Variants in SLC6A11 observed in about 807,000 individuals in gnomAD.
SLC6A11 encodes sodium- and chloride-dependent GABA transporter 3.
In SLC6A11, 25 loss-of-function variants were observed where a neutral mutation model predicts 74.8. The observed-to-expected ratio is 0.33, with a 90% confidence interval of 0.24 to 0.47. The LOEUF (loss-of-function observed/expected upper bound fraction) is 0.47, where lower values mean the gene tolerates loss of function less well. Ranked by LOEUF, SLC6A11 falls within the 20% of genes least tolerant of loss-of-function variation. The pLI, the probability that SLC6A11 is intolerant of heterozygous loss-of-function variation, is 1.00. For missense variants in SLC6A11, 574 were observed against 837.0 expected (o/e 0.69, Z 3.88); for synonymous variants, 330 against 330.2 (o/e 1.00, Z 0.01).
intron 7 of SLC6A11, among the ~76,000 whole-genome samples, chr3:10,912,939 C>A (rs1695407311): frequency 6.6e-6 from 1 of 152,090 alleles, no homozygotes; most frequent in African/African-American, 2.4e-5. Context: ...GGTAGATGGA[C>A]AGCGCATCTC....
intron 6 of SLC6A11, among the ~76,000 whole-genome samples, chr3:10,903,689 C>T (rs901029): frequency 0.067 from 10,143 of 152,176 alleles, 370 homozygotes; most frequent in East Asian, 0.083. Context: ...AGGGAATGAA[C>T]GTTGACTAAG....
chr3:10,882,443 C>A (rs1331648081), intron 6 of SLC6A11, among the ~76,000 whole-genome samples: 1 of 152,184 alleles, frequency 6.6e-6, no homozygotes, highest in Non-Finnish European at 1.5e-5. Flanking sequence ...ATCACCATCG[C>A]AGATGCCATT....
rs1211695891 is a variant in SLC6A11 at position 10,934,150 on chromosome 3, C to T, written c.1559C>T (p.Thr520Ile). 1 of 1,612,468 alleles carries T rather than the reference C, an allele frequency of 6.2e-7. No individual in the cohort carries two copies. ...ATTAAGTGGTGCTGGATGATCATGACCCCTGGGATCTGCGCGGTAAGGGCC... is the reference window on the plus strand; with the variant it reads ...ATTAAGTGGTGCTGGATGATCATGATCCCTGGGATCTGCGCGGTAAGGGCC... ...SLIKWCWMIM[T>I]PGICAGIFIF... The change falls in exon 12 of 14, where the codon ACC (threonine) becomes ATC (isoleucine). Residue 520 changes from threonine to isoleucine, a missense_variant. Physicochemically the swap from Thr to Ile is moderately conservative, Grantham distance 89. Around this residue, in one of 4 missense-constraint regions of SLC6A11, gnomAD observed 257 missense variants for 341.5 expected, o/e 0.75. Coordinates refer to ENST00000254488, the MANE Select transcript of SLC6A11 (RefSeq NM_014229.3).
rs569434192 is a variant in SLC6A11 at position 10,864,906 on chromosome 3, C to T, written c.757-10055C>T. Among the ~76,000 whole-genome samples, 4 of 152,312 alleles carry T rather than the reference C, an allele frequency of 2.6e-5. No homozygotes were observed. The East Asian group carries it at 7.7e-4, about 29-fold the overall frequency. ...CAGATTTTCCCAGCCAATGGATTAT[C>T]ACCTCTTAACACCAGCCTTCCACTG... On this transcript the variant is annotated intron_variant, in intron 5 of 13. Transcript: ENST00000254488.
chr3:10,854,632 CAG>C (rs1216079812), intron 5 of SLC6A11, among the ~76,000 whole-genome samples: 5 of 152,124 alleles, frequency 3.3e-5, no homozygotes, highest in Non-Finnish European at 7.3e-5. Flanking sequence ...TTTTATAAGG[CAG>C]AGAGAGACTA....
intron 5 of SLC6A11, among the ~76,000 whole-genome samples, chr3:10,872,109 G>C (rs1032409915): frequency 6.6e-6 from 1 of 152,198 alleles, no homozygotes; most frequent in Admixed American, 6.5e-5. Flanking sequence ...CATGGCTGTC[G>C]TGAGGGTTGC....
At chr3:10,885,240 T>TTAC (rs1253429185) in intron 6 of SLC6A11, among the ~76,000 whole-genome samples, 5 of 152,244 alleles carry the variant, frequency 3.3e-5, no homozygotes, top group Non-Finnish European at 7.3e-5. Context: ...CGTAGTTGAA[T>TTAC]TACTAGATGA....
At chr3:10,855,564 G>T (rs968941182) in intron 5 of SLC6A11, among the ~76,000 whole-genome samples, 1 of 152,198 alleles carries the variant, frequency 6.6e-6, no homozygotes, top group South Asian at 2.1e-4. Flanking sequence ...TGTCAAGCTT[G>T]TGGGTCCAGG....
chr3:10,855,507 T>G (rs142251427), intron 5 of SLC6A11, among the ~76,000 whole-genome samples: 20 of 152,326 alleles, frequency 1.3e-4, no homozygotes, highest in Middle Eastern at 3.4e-3. Flanking sequence ...ATAGCTCTTA[T>G]CAGCAGCAGC....
rs766365191 is a variant in SLC6A11 at position 10,925,991 on chromosome 3, T to C, written c.1121-13T>C. ...ACTCCACCCAGTGGCTTTCTCTCTC[T>C]CCCTCGCTCCAGGCCCCGGCCTGGC... On this transcript the variant is annotated splice_polypyrimidine_tract_variant and intron_variant, in intron 8 of 13. Transcript: ENST00000254488. The C allele has an allele frequency of 3.3e-6, 5 of 1,507,240 alleles. No homozygotes were observed. The African/African-American group carries it at 5.5e-5, about 17-fold the overall frequency. 93.4% of individuals were successfully genotyped at this position (1,507,240 alleles called of 1,614,324 possible). A position where few individuals can be genotyped will look rare whatever the true frequency, so the allele number is the denominator to read the frequency against.
intron 3 of SLC6A11, among the ~76,000 whole-genome samples, chr3:10,820,470 C>A (rs1694123681): frequency 6.6e-6 from 1 of 152,162 alleles, no homozygotes; most frequent in African/African-American, 2.4e-5. Flanking sequence ...CTATTGCCTT[C>A]AATGACACAT....
At chr3:10,937,980 C>T (rs967525643) in intron 13 of SLC6A11, among the ~76,000 whole-genome samples, 1 of 152,206 alleles carries the variant, frequency 6.6e-6, no homozygotes, top group African/African-American at 2.4e-5. Flanking sequence ...AGGTGCGAGG[C>T]TAAGCACTTT....
At chr3:10,927,571 A>T (rs944118459) in intron 9 of SLC6A11, among the ~76,000 whole-genome samples, 48 of 151,964 alleles carry the variant, frequency 3.2e-4, no homozygotes, top group Non-Finnish European at 3.4e-4. Flanking sequence ...TGGCCTACAC[A>T]CTGCAGTGTC....
intron 8 of SLC6A11, among the ~76,000 whole-genome samples, chr3:10,925,002 G>A (rs1695584032): frequency 6.6e-6 from 1 of 152,164 alleles, no homozygotes; most frequent in Non-Finnish European, 1.5e-5. Context: ...GGCAAAACTA[G>A]TCCGAGGACG....
intron 4 of SLC6A11, among the ~76,000 whole-genome samples, chr3:10,832,310 G>A (rs1694308192): frequency 6.6e-6 from 1 of 152,050 alleles, no homozygotes; most frequent in Admixed American, 6.5e-5. Flanking sequence ...GGGAGGCACT[G>A]GGGATCCTTG....
intron 4 of SLC6A11, among the ~76,000 whole-genome samples, chr3:10,840,044 C>T (rs1694417907): frequency 6.6e-6 from 1 of 152,164 alleles, no homozygotes; most frequent in African/African-American, 2.4e-5. Context: ...TTCATTCCTC[C>T]CATGGCAGCT....
At chr3:10,932,299 T>G (rs1490346054) in intron 10 of SLC6A11, among the ~76,000 whole-genome samples, 2 of 152,130 alleles carry the variant, frequency 1.3e-5, no homozygotes, top group South Asian at 4.1e-4. Context: ...CCCATGAAGA[T>G]GGACCACATA....
In SLC6A11 at chr3:10,829,449, C is replaced by T. The variant is rs139275803; in HGVS notation, c.623+6057C>T. On this transcript the variant is annotated intron_variant, in intron 4 of 13. Coordinates refer to ENST00000254488, the MANE Select transcript of SLC6A11 (RefSeq NM_014229.3). ...GCCTCCTGATTCAGCATCAGAAGTGCCCTTGGGACCCTTTCCTAGGTCAGC... is the reference window on the plus strand; with the variant it reads ...GCCTCCTGATTCAGCATCAGAAGTGTCCTTGGGACCCTTTCCTAGGTCAGC... Among the ~76,000 whole-genome samples the T allele has an allele frequency of 3.3e-5, 5 of 152,330 alleles. No homozygotes were observed. In the South Asian group the frequency reaches 8.3e-4, roughly 25 times the overall value.
Position 10,938,562 on chromosome 3 carries a change from G to A in SLC6A11, c.*160G>A. On this transcript the variant is annotated 3_prime_UTR_variant, in exon 14 of 14. Coordinates refer to ENST00000254488, the MANE Select transcript of SLC6A11 (RefSeq NM_014229.3). Reference sequence around the variant, plus strand: ...GGTGGCCACTGTACACTGCTCTAAAGTCATATCCCCTCCCCGCCCCCAGTC... The same window carrying A: ...GGTGGCCACTGTACACTGCTCTAAAATCATATCCCCTCCCCGCCCCCAGTC... The A allele has an allele frequency of 1.6e-6, 1 of 612,764 alleles. No homozygotes were observed. Among genetic ancestry groups the A allele is most frequent in the Admixed American group, 3.1e-5 (1 of 31,856 alleles). The allele number at this position is 612,764 out of a possible 1,614,324, so 38.0% of individuals were successfully genotyped here.
Sources: allele counts gnomAD v4.1 joint callset (sites outside exome capture counted in the v4.1 genomes callset), GRCh38; gene constraint gnomAD v4.1.1; regional missense constraint gnomAD v4.1.1; transcripts MANE v1.5; gene names NCBI Gene and HGNC (gene_info 2026-07-23, HGNC 2026-07-21).